The following PDE6B variants were observed in gnomAD, a reference collection of about 807,000 sequenced individuals.
PDE6B encodes rod cGMP-specific 3',5'-cyclic phosphodiesterase subunit beta.
A neutral mutation model predicts 109.0 loss-of-function variants in PDE6B; 106 were observed. That is an observed-to-expected ratio of 0.97 (90% confidence interval 0.83 to 1.14). The LOEUF is 1.14. Ranked by LOEUF, PDE6B falls within the 50% of genes most tolerant of loss-of-function variation. The probability of loss-of-function intolerance (pLI) is 0.00; values close to 1 mark genes in which losing one functional copy is unlikely to be tolerated. For missense variants in PDE6B, 1,193 were observed against 1,155.6 expected (o/e 1.03, Z -0.47); for synonymous variants, 490 against 471.3 (o/e 1.04, Z -0.51).
rs371853815 is a variant in PDE6B, at chr4:656,750, A to G, written c.1108-124A>G. On this transcript the variant is annotated intron_variant, in intron 8 of 21. Transcript: ENST00000496514. The stretch of plus-strand genomic sequence containing the variant: ...GAGAGAGGGAATGCAGAGAGCAGAG[A>G]CAGGAACACGAGCCCAGCCGTCACG... 2.3e-4 allele frequency: 185 copies of G among 811,552 alleles called. 3 individuals are homozygous for G. The highest frequency in any genetic ancestry group is 1.5e-3 in the East Asian group (57 of 38,514). The allele number at this position is 811,552 out of a possible 1,614,324, so 50.3% of individuals were successfully genotyped here.
chr4:667,850 C>G lies in PDE6B; in HGVS notation c.2353-6C>G. On this transcript the variant is annotated splice_region_variant and splice_polypyrimidine_tract_variant and intron_variant, in intron 20 of 21. Transcript: ENST00000496514. ...GGACTGGTGGTGACTTCTCGACTCC[C>G]CTCAGGAGTTCTCTCGTTTCCACGA... 6.2e-7 allele frequency: 1 copy of G among 1,612,608 alleles called. No individual in the cohort carries two copies. The highest frequency in any genetic ancestry group is 1.3e-5 in the African/African-American group (1 of 75,014).
At chr4:657,222 CAG>C in intron 9 of PDE6B, 127 bp from the exon 10 acceptor site, 1 of 1,218,786 alleles carries the variant, frequency 8.2e-7, no homozygotes, top group Non-Finnish European at 1.2e-6. Flanking sequence ...AGACCCCACA[CAG>C]AAGCACTGCG....
chr4:658,951 G>C lies in PDE6B; in HGVS notation c.1402-1G>C, dbSNP rs769859376. The stretch of plus-strand genomic sequence containing the variant: ...CGTGACACATCTGTGTCTCTGTGTA[G>C]CCAACCAGAGCGCGCCTGGGGAAGG... On this transcript the variant is annotated splice_acceptor_variant, in intron 10 of 21. Coordinates refer to ENST00000496514, the MANE Select transcript of PDE6B (RefSeq NM_000283.4). LOFTEE classifies it high-confidence loss of function. 2 of 1,611,888 alleles carry C rather than the reference G, an allele frequency of 1.2e-6. No homozygotes were observed. Among genetic ancestry groups the C allele is most frequent in the South Asian group, 2.2e-5 (2 of 91,058 alleles).
At chr4:660,367 G>A in intron 11 of PDE6B, 100 bp from the exon 12 acceptor site, 1 of 1,176,238 alleles carries the variant, frequency 8.5e-7, no homozygotes, top group Non-Finnish European at 1.3e-6. Context: ...GATGCCTGAG[G>A]TGTCTGAGGC....
At chr4:650,859 A>G (rs1321884617) in intron 3 of PDE6B, among the ~76,000 whole-genome samples, 1 of 152,190 alleles carries the variant, frequency 6.6e-6, no homozygotes, top group East Asian at 1.9e-4. Flanking sequence ...CACCCGCCAC[A>G]CGCTGAAGAC....
intron 7 of PDE6B, 22 bp from the exon 8 acceptor site, chr4:656,223 C>A (rs192530891): frequency 1.3e-6 from 2 of 1,563,472 alleles, no homozygotes; most frequent in Non-Finnish European, 1.8e-6. Flanking sequence ...TGGATGAAAT[C>A]GTTTTTCTGA....
At position 664,906 on chromosome 4, in the gene PDE6B, C is replaced by G; in HGVS notation, c.2155C>G (p.Leu719Val). ...VMAMMMTACD[L>V]SAITKPWEVQ... The stretch of plus-strand genomic sequence containing the variant: ...GGCCATGATGATGACAGCCTGCGAC[C>G]TGTCTGCCATCACCAAGCCCTGGGA... The change falls in exon 18 of 22, where the codon CTG (leucine) becomes GTG (valine). Residue 719 changes from leucine to valine, a missense_variant. Leu to Val is a conservative substitution (Grantham distance 32). Coordinates refer to ENST00000496514, the MANE Select transcript of PDE6B (RefSeq NM_000283.4). 6.2e-7 allele frequency: 1 copy of G among 1,613,372 alleles called. No individual in the cohort carries two copies. The highest frequency in any genetic ancestry group is 1.3e-5 in the African/African-American group (1 of 75,072).
intron 21 of PDE6B, among the ~76,000 whole-genome samples, chr4:669,243 C>T (rs76694272): frequency 7.9e-4 from 15 of 18,878 alleles, no homozygotes; most frequent in East Asian, 0.019. Flanking sequence ...CCCTATGCTG[C>T]TCCCACTACC....
Position 665,866 on chromosome 4 carries a change from T to C in PDE6B, c.2268+537T>C, listed in dbSNP as rs987589739. On this transcript the variant is annotated intron_variant, in intron 19 of 21. Transcript: ENST00000496514. The surrounding 1 kb of genome is among the most constrained non-coding windows in gnomAD (Gnocchi z 4.0). The stretch of plus-strand genomic sequence containing the variant: ...ACGTGGACCAGGTGGGAGCTGTGGT[T>C]TCTCACACACCCGCTCTGGTGGGCG... Among the ~76,000 whole-genome samples the C allele has an allele frequency of 3.9e-5, 6 of 151,946 alleles. No homozygotes were observed. Among genetic ancestry groups the C allele is most frequent in the African/African-American group, 1.5e-4 (6 of 41,348 alleles).
rs1172453259 is a variant in PDE6B at position 663,557 on chromosome 4, A to G, written c.1921-213A>G. On this transcript the variant is annotated intron_variant, in intron 15 of 21. Transcript: ENST00000496514. This position sits in a 1 kb window ranked among gnomAD's most constrained non-coding sequence, Gnocchi z 4.0. Reference sequence around the variant, plus strand: ...CTCCCCGGTGGTGACCTCTGAGGCCATCTGCGTCCCAAGCCGACGATGGAG... The same window carrying G: ...CTCCCCGGTGGTGACCTCTGAGGCCGTCTGCGTCCCAAGCCGACGATGGAG... Among the ~76,000 whole-genome samples the G allele has an allele frequency of 6.6e-6, 1 of 152,158 alleles. No homozygotes were observed. The highest frequency in any genetic ancestry group is 1.5e-5 in the Non-Finnish European group (1 of 68,012).
In PDE6B at chr4:666,557, C is replaced by T. The variant is rs777258406; in HGVS notation, c.2295C>T (p.Ala765=). The T allele has an allele frequency of 3.7e-6, 6 of 1,613,090 alleles. No homozygotes were observed. The highest frequency in any genetic ancestry group is 2.7e-5 in the African/African-American group (2 of 75,022). ...PIPMMDRNKA[A]ELPKLQVGFI... ...CTATGATGGACCGGAACAAGGCGGCCGAGCTCCCCAAGCTGCAAGTGGGCT... is the reference window on the plus strand; with the variant it reads ...CTATGATGGACCGGAACAAGGCGGCTGAGCTCCCCAAGCTGCAAGTGGGCT... The change falls in exon 20 of 22, where the codon GCC becomes GCT. Residue 765 remains alanine, a synonymous_variant. Coordinates refer to ENST00000496514, the MANE Select transcript of PDE6B (RefSeq NM_000283.4). This position sits in a 1 kb window ranked among gnomAD's most constrained non-coding sequence, Gnocchi z 5.6.
chr4:656,399 G>A, intron 8 of PDE6B, 107 bp downstream of exon 8: 1 of 818,748 alleles, frequency 1.2e-6, no homozygotes, highest in Non-Finnish European at 2.2e-6. Flanking sequence ...AACAACTTCA[G>A]CCAGGCATGG....
chr4:662,147 T>G lies in PDE6B; in HGVS notation c.1628T>G (p.Phe543Cys). Residue 543 changes from phenylalanine to cysteine, a missense_variant, in exon 13 of 22, where the codon TTC becomes TGC. Phe to Cys is a radical substitution (Grantham distance 205). Transcript: ENST00000496514. This position sits in a 1 kb window ranked among gnomAD's most constrained non-coding sequence, Gnocchi z 4.3. The part of the protein sequence containing the change: ...FQIPQEVLVR[F>C]LFSISKGYRR... Reference sequence around the variant, plus strand: ...CGGCTCCCCCAGGTCCTGGTGCGGTTCCTGTTCTCCATCAGCAAAGGGTAC... The same window carrying G: ...CGGCTCCCCCAGGTCCTGGTGCGGTGCCTGTTCTCCATCAGCAAAGGGTAC... 6.4e-7 allele frequency: 1 copy of G among 1,561,584 alleles called. No individual in the cohort carries two copies. The highest frequency in any genetic ancestry group is 1.2e-5 in the South Asian group (1 of 85,600).
At chr4:667,708 C>G in intron 20 of PDE6B, 148 bp from the exon 21 acceptor site, 1 of 807,534 alleles carries the variant, frequency 1.2e-6, no homozygotes, top group Admixed American at 1.8e-5. Flanking sequence ...CTTCACAGGG[C>G]TCTGCTGGGA....
rs373742526 is a variant in PDE6B, at chr4:656,895, G to A, written c.1129G>A (p.Gly377Arg). Residue 377 changes from glycine (G) to arginine (R), a missense_variant, in exon 9 of 22, where the codon GGG (glycine) becomes AGG (arginine). Physicochemically the swap from Gly to Arg is moderately radical, Grantham distance 125. Coordinates refer to ENST00000496514, the MANE Select transcript of PDE6B (RefSeq NM_000283.4). ...GCAGGAAGGGGCCCTGGACGACTCC[G>A]GGTGGCTCATCAAGAATGTGCTGTC... is the stretch of plus-strand genomic sequence containing the variant. ...KFQEGALDDS[G>R]WLIKNVLSMP... 4.2e-5 allele frequency: 67 copies of A among 1,612,762 alleles called. No homozygotes were observed. The highest frequency in any genetic ancestry group is 6.7e-5 in the East Asian group (3 of 44,882).
intron 1 of PDE6B, among the ~76,000 whole-genome samples, chr4:634,320 C>T (rs960088230): frequency 1.3e-5 from 2 of 152,176 alleles, no homozygotes; most frequent in African/African-American, 4.8e-5. Flanking sequence ...GCTTCAGGGA[C>T]AAGGCGAGCA....
intron 2 of PDE6B, 111 bp from the exon 3 acceptor site, chr4:635,769 C>A: frequency 1.4e-6 from 1 of 724,416 alleles, no homozygotes; most frequent in South Asian, 1.5e-5. Flanking sequence ...GCACAGCTTC[C>A]TGGCGTGTCT....
Position 666,514 on chromosome 4 carries a change from T to A in PDE6B, c.2269-17T>A. On this transcript the variant is annotated splice_polypyrimidine_tract_variant and intron_variant, in intron 19 of 21. Coordinates refer to ENST00000496514, the MANE Select transcript of PDE6B (RefSeq NM_000283.4). The surrounding 1 kb of genome is among the most constrained non-coding windows in gnomAD (Gnocchi z 5.6). ...CTCCCTGGTCACTGTTCTCCCGCCC[T>A]CTGTTCCTCCCACCAGCCTATGATG... 3.1e-6 allele frequency: 5 copies of A among 1,593,238 alleles called. No individual in the cohort carries two copies. The highest frequency in any genetic ancestry group is 3.4e-6 in the Non-Finnish European group (4 of 1,161,548).
chr4:634,748 C>T lies in PDE6B; in HGVS notation c.540C>T (p.Ile180=). 1 of 1,613,070 alleles carries T rather than the reference C, an allele frequency of 6.2e-7. No individual in the cohort carries two copies. The highest frequency in any genetic ancestry group is 8.5e-7 in the Non-Finnish European group (1 of 1,179,010). The change falls in exon 2 of 22, where the codon ATC becomes ATT. Residue 180 remains isoleucine, a synonymous_variant. Transcript: ENST00000496514. ...CAAAGAATATGCTGGCCACACCCAT[C>T]ATGAATGGCAAAGACGTCGTGGCGG... ...YKTKNMLATP[I]MNGKDVVAVI... is the part of the protein sequence containing the mutation.
Sources: allele counts gnomAD v4.1 joint callset (sites outside exome capture counted in the v4.1 genomes callset), GRCh38; gene constraint gnomAD v4.1.1; non-coding constraint Gnocchi (gnomAD v3.1); transcripts MANE v1.5; gene names NCBI Gene and HGNC (gene_info 2026-07-23, HGNC 2026-07-21).